RSPH4A: variants seen among roughly 807,000 people sequenced by gnomAD.
The protein encoded by RSPH4A is radial spoke head component 4A.
In RSPH4A, 47 loss-of-function variants were observed where a neutral mutation model predicts 71.0. That is an observed-to-expected ratio of 0.66 (90% CI 0.52 to 0.84). The LOEUF (loss-of-function observed/expected upper bound fraction) is 0.84. Among genes scored for constraint, RSPH4A ranks in the 40% least tolerant of loss-of-function variants. RSPH4A has a pLI of 0.00. For missense variants in RSPH4A, 793 were observed against 855.2 expected, an observed-to-expected ratio of 0.93 and a Z score of 0.91; for synonymous variants, 282 against 302.3, an observed-to-expected ratio of 0.93 and a Z score of 0.70.
Position 116,630,563 on chromosome 6 carries a change from G to T in RSPH4A, c.1916+11G>T. On this transcript the variant is annotated intron_variant, in intron 5 of 5. Transcript: ENST00000229554. ...CTTCTCCAATGGCAAGTAAGTATCT[G>T]ACCACTTACAAAGCCATTTCTGTGA... 1 of 1,266,464 alleles carries T rather than the reference G, an allele frequency of 7.9e-7. No individual in the cohort carries two copies. The highest frequency in any genetic ancestry group is 1.2e-5 in the South Asian group (1 of 84,186). 78.5% of individuals were successfully genotyped at this position (1,266,464 alleles called of 1,614,324 possible).
Position 116,628,103 on chromosome 6 carries a change from T to C in RSPH4A, c.1396T>C (p.Leu466=). 6.2e-7 allele frequency: 1 copy of C among 1,614,202 alleles called. No homozygotes were observed. The highest frequency in any genetic ancestry group is 1.3e-5 in the African/African-American group (1 of 75,054). Reference sequence around the variant, plus strand: ...AATCAAGAAATTTTTCACTGGGCGATTGGATGCTCCCATCATAAGCTACCC... The same window carrying C: ...AATCAAGAAATTTTTCACTGGGCGACTGGATGCTCCCATCATAAGCTACCC... The part of the protein sequence containing the change: ...RKIKKFFTGR[L]DAPIISYPPF... Residue 466 remains leucine (L), a synonymous_variant, in exon 3 of 6, where the codon TTG becomes CTG. Coordinates refer to ENST00000229554, the MANE Select transcript of RSPH4A (RefSeq NM_001010892.3).
intron 4 of RSPH4A, 89 bp from the exon 5 acceptor site, chr6:116,630,342 CATGT>C (rs745557643): frequency 4.4e-5 from 34 of 777,378 alleles, no homozygotes; most frequent in Admixed American, 6.9e-5. Context: ...TGTGTGCATG[CATGT>C]GTGTGTGTGT....
At position 116,616,658 on chromosome 6, in the gene RSPH4A, A is replaced by T. The variant is rs377656819; in HGVS notation, c.35A>T (p.Glu12Val). The T allele has an allele frequency of 3.2e-5, 51 of 1,614,014 alleles. No homozygotes were observed. Among genetic ancestry groups the T allele is most frequent in the Admixed American group, 5.0e-5 (3 of 59,988 alleles). ...EDSTSPKQEK[E>V]NQEELGETRR... Reference sequence around the variant, plus strand: ...TCAACCTCCCCGAAGCAAGAAAAAGAAAACCAAGAAGAACTAGGGGAAACA... The same window carrying T: ...TCAACCTCCCCGAAGCAAGAAAAAGTAAACCAAGAAGAACTAGGGGAAACA... The change falls in exon 1 of 6, where the codon GAA (glutamate) becomes GTA (valine). Residue 12 changes from glutamate to valine, a missense_variant. Transcript: ENST00000229554.
chr6:116,628,064 G>T lies in RSPH4A; in HGVS notation c.1357G>T (p.Val453Phe), dbSNP rs149776045. ...ACCACCAGTTATACCTGCACAAATT[G>T]TTATTGCAAGAAAAATCAAGAAATT... ...KLPPVIPAQI[V>F]IARKIKKFFT... The change falls in exon 3 of 6, where the codon GTT (valine) becomes TTT (phenylalanine). Residue 453 changes from valine (V) to phenylalanine (F), a missense_variant. Val to Phe is a conservative substitution (Grantham distance 50, BLOSUM62 -1). Transcript: ENST00000229554. The T allele has an allele frequency of 6.2e-5, 100 of 1,614,178 alleles. No individual in the cohort carries two copies. Among genetic ancestry groups the T allele is most frequent in the Non-Finnish European group, 8.2e-5 (97 of 1,180,030 alleles).
In RSPH4A at chr6:116,627,839, G is replaced by C. The variant is rs1364404754; in HGVS notation, c.1132G>C (p.Asp378His). The C allele has an allele frequency of 1.9e-6, 3 of 1,614,004 alleles. No individual in the cohort carries two copies. The African/African-American group carries it at 4.0e-5, about 22-fold the overall frequency. Reference sequence around the variant, plus strand: ...TGAAGTGGAATTTCGTGAGGGGGAAGATGAAGAGGAAGTGGAAGAGGAAGA... The same window carrying C: ...TGAAGTGGAATTTCGTGAGGGGGAACATGAAGAGGAAGTGGAAGAGGAAGA... ...VAEVEFREGEDEEEVEEEDVA... is the reference protein window; with the variant it reads ...VAEVEFREGEHEEEVEEEDVA... The change falls in exon 3 of 6, where the codon GAT (aspartate) becomes CAT (histidine). Residue 378 changes from aspartate (D) to histidine (H), a missense_variant. Asp to His is a moderately conservative substitution (Grantham distance 81, BLOSUM62 -1). Coordinates refer to ENST00000229554, the MANE Select transcript of RSPH4A (RefSeq NM_001010892.3).
intron 2 of RSPH4A, among the ~76,000 whole-genome samples, chr6:116,625,764 T>C (rs1317244326): frequency 5.9e-5 from 9 of 152,290 alleles, no homozygotes; most frequent in Admixed American, 5.2e-4. Flanking sequence ...CCGAACTTTC[T>C]GGTGTGAGAA....
chr6:116,629,873 C>A (rs1016309405), intron 4 of RSPH4A, among the ~76,000 whole-genome samples, 171 bp downstream of exon 4: 1 of 152,164 alleles, frequency 6.6e-6, no homozygotes, highest in Non-Finnish European at 1.5e-5. Context: ...ATGTAGCTGG[C>A]CACATCAATG....
At chr6:116,625,035 G>A (rs1004220711) in intron 2 of RSPH4A, among the ~76,000 whole-genome samples, 5 of 152,146 alleles carry the variant, frequency 3.3e-5, no homozygotes, top group African/African-American at 1.2e-4. Context: ...TGAGCAAGAG[G>A]CTAAACTTTC....
intron 1 of RSPH4A, among the ~76,000 whole-genome samples, chr6:116,618,608 G>GA (rs1775549573): frequency 1.3e-5 from 2 of 152,172 alleles, no homozygotes; most frequent in Non-Finnish European, 2.9e-5. Flanking sequence ...CTGCCTCCTG[G>GA]GTTCAAGCGA....
chr6:116,623,142 G>A, intron 2 of RSPH4A, 140 bp downstream of exon 2: 1 of 629,620 alleles, frequency 1.6e-6, no homozygotes, highest in Non-Finnish European at 2.7e-6. Flanking sequence ...CAGGCTCCCA[G>A]GCTTGGAGTA....
intron 2 of RSPH4A, among the ~76,000 whole-genome samples, 196 bp downstream of exon 2, chr6:116,623,198 A>G (rs1202310338): frequency 6.6e-6 from 1 of 152,092 alleles, no homozygotes; most frequent in Non-Finnish European, 1.5e-5. Flanking sequence ...TCTCAGGGTC[A>G]AGCAATTCTC....
intron 2 of RSPH4A, among the ~76,000 whole-genome samples, chr6:116,626,808 T>G (rs986070919): frequency 1.5e-4 from 23 of 152,336 alleles, no homozygotes; most frequent in African/African-American, 5.5e-4. Flanking sequence ...CATGAGCACT[T>G]TATTACATGT....
intron 3 of RSPH4A, 86 bp downstream of exon 3, chr6:116,628,455 T>A: frequency 1.8e-6 from 2 of 1,105,254 alleles, no homozygotes; most frequent in South Asian, 2.6e-5. Flanking sequence ...ACATACAAAA[T>A]AAAGGCCTTT....
In RSPH4A at chr6:116,632,383, T is replaced by G. The variant is rs780723973; in HGVS notation, c.2093T>G (p.Leu698Arg). 3.7e-6 allele frequency: 6 copies of G among 1,613,888 alleles called. No individual in the cohort carries two copies. The Admixed American group carries it at 1.0e-4, about 27-fold the overall frequency. ...AGGGCTGCACAAGAAGCAGTTCTAC[T>G]CGCAGCTGAGAATGAAGAATCTGAG... ...AFRAAQEAVLLAAENEESEED... is the reference protein window; with the variant it reads ...AFRAAQEAVLRAAENEESEED... The change falls in exon 6 of 6, where the codon CTC (leucine) becomes CGC (arginine). Residue 698 changes from leucine to arginine, a missense_variant. Leu to Arg is a moderately radical substitution (Grantham distance 102, BLOSUM62 -2). Transcript: ENST00000229554.
At chr6:116,630,845 G>GTTTTTTTTTTT (rs1285123787) in intron 5 of RSPH4A, among the ~76,000 whole-genome samples, 3 of 67,660 alleles carry the variant, frequency 4.4e-5, no homozygotes, top group African/African-American at 7.3e-5. Context: ...GCTAATTTTT[G>GTTTTTTTTTTT]TATTTTTTTT....
chr6:116,619,941 G>T (rs1775573908), intron 1 of RSPH4A, among the ~76,000 whole-genome samples: 1 of 152,146 alleles, frequency 6.6e-6, no homozygotes, highest in South Asian at 2.1e-4. Flanking sequence ...GGATGGTCTT[G>T]ATCTCCTGAC....
chr6:116,632,478 TAC>T lies in RSPH4A; in HGVS notation c.*46_*47del, dbSNP rs149281216. 5 of 1,581,064 alleles carry T rather than the reference TAC, an allele frequency of 3.2e-6. No homozygotes were observed. Among genetic ancestry groups the T allele is most frequent in the Admixed American group, 1.8e-5 (1 of 54,466 alleles). ...TTAGCCTGGTTTTATGTGACACTGA[TAC>T]ACACACACCCCTTATATGGGACTAA... is the stretch of plus-strand genomic sequence containing the variant. On this transcript the variant is annotated 3_prime_UTR_variant, in exon 6 of 6. Coordinates refer to ENST00000229554, the MANE Select transcript of RSPH4A (RefSeq NM_001010892.3).
chr6:116,623,101 T>C (rs1775638654), intron 2 of RSPH4A, 99 bp downstream of exon 2: 3 of 694,710 alleles, frequency 4.3e-6, no homozygotes, highest in Non-Finnish European at 2.5e-6. Flanking sequence ...TTATAGCTTG[T>C]TTTGTTTTGT....
Position 116,628,086 on chromosome 6 carries a change from A to C in RSPH4A, c.1379A>C (p.Lys460Thr). 2 of 1,614,180 alleles carry C rather than the reference A, an allele frequency of 1.2e-6. No homozygotes were observed. The highest frequency in any genetic ancestry group is 1.7e-6 in the Non-Finnish European group (2 of 1,180,038). ...ATTGTTATTGCAAGAAAAATCAAGAAATTTTTCACTGGGCGATTGGATGCT... is the reference window on the plus strand; with the variant it reads ...ATTGTTATTGCAAGAAAAATCAAGACATTTTTCACTGGGCGATTGGATGCT... ...AQIVIARKIKKFFTGRLDAPI... is the reference protein window; with the variant it reads ...AQIVIARKIKTFFTGRLDAPI... The change falls in exon 3 of 6, where the codon AAA (lysine) becomes ACA (threonine). Residue 460 changes from lysine to threonine, a missense_variant. Coordinates refer to ENST00000229554, the MANE Select transcript of RSPH4A (RefSeq NM_001010892.3).
Sources: gnomAD v4.1 joint callset for allele counts (sites outside exome capture counted in the v4.1 genomes callset) on GRCh38, gnomAD v4.1.1 for gene constraint, MANE v1.5 for transcripts, NCBI Gene and HGNC (gene_info 2026-07-23, HGNC 2026-07-21) for gene names.